The following DDX46 variants were observed in gnomAD, a reference collection of about 807,000 sequenced individuals.
The protein encoded by DDX46 is DEAD-box helicase 46.
DDX46 carries 30 observed loss-of-function variants against 134.9 expected under a neutral mutation model. The observed-to-expected ratio is 0.22, with a 90% CI of 0.17 to 0.30. The LOEUF is 0.30. DDX46 is among the 10% of genes least tolerant of loss of function. DDX46 has a pLI of 1.00. For missense variants in DDX46, 622 were observed against 1,248.7 expected (o/e 0.50, Z 7.56); for synonymous variants, 415 against 404.1 (o/e 1.03, Z -0.32).
chr5:134,808,539 C>T (rs948071314), intron 16 of DDX46, among the ~76,000 whole-genome samples: 4 of 152,092 alleles, frequency 2.6e-5, no homozygotes, highest in Admixed American at 6.6e-5. Context: ...TAAATTGAAT[C>T]ATTGTAAGTC....
intron 21 of DDX46, among the ~76,000 whole-genome samples, chr5:134,825,380 T>C (rs1407717043): frequency 6.6e-6 from 1 of 152,208 alleles, no homozygotes; most frequent in Non-Finnish European, 1.5e-5. Context: ...AAATTAGATA[T>C]GTTGCTATGA....
intron 18 of DDX46, among the ~76,000 whole-genome samples, chr5:134,814,279 T>C (rs1413333781): frequency 6.6e-6 from 1 of 152,190 alleles, no homozygotes; most frequent in Non-Finnish European, 1.5e-5. Context: ...AGGCATTCAC[T>C]GGGGTTCTTG....
intron 18 of DDX46, among the ~76,000 whole-genome samples, chr5:134,815,229 TA>T (rs1306485895): frequency 6.6e-6 from 1 of 152,204 alleles, no homozygotes; most frequent in Non-Finnish European, 1.5e-5. Flanking sequence ...GGACTGTTTT[TA>T]TTGTAGTAAA....
chr5:134,814,356 A>G (rs1755229551), intron 18 of DDX46, among the ~76,000 whole-genome samples: 1 of 152,184 alleles, frequency 6.6e-6, no homozygotes, highest in African/African-American at 2.4e-5. Flanking sequence ...CTTGTGATAA[A>G]ATACGGTGAT....
intron 15 of DDX46, chr5:134,797,041 T>G: frequency 4.8e-6 from 1 of 207,098 alleles, no homozygotes; most frequent in East Asian, 1.5e-4. Flanking sequence ...TCCCAGCTAC[T>G]TGGGAGGCCG....
intron 15 of DDX46, among the ~76,000 whole-genome samples, chr5:134,800,043 G>A (rs1414080704): frequency 6.6e-6 from 1 of 151,248 alleles, no homozygotes; most frequent in African/African-American, 2.4e-5. Context: ...CACCTCCCAG[G>A]TTCAAGTGAT....
intron 6 of DDX46, 94 bp from the exon 7 acceptor site, chr5:134,781,039 A>G: frequency 3.4e-6 from 3 of 880,562 alleles, no homozygotes; most frequent in Non-Finnish European, 5.0e-6. Flanking sequence ...AAAAAAAACT[A>G]AAGATGAAAT....
intron 11 of DDX46, 98 bp downstream of exon 11, chr5:134,785,684 G>T: frequency 7.3e-7 from 1 of 1,370,222 alleles, no homozygotes; most frequent in African/African-American, 1.5e-5. Context: ...TTTGAATAGT[G>T]ATTGCTTCTA....
In DDX46 at chr5:134,807,740, AC is replaced by A; in HGVS notation, c.1955-7del. The A allele has an allele frequency of 6.2e-7, 1 of 1,602,130 alleles. No homozygotes were observed. Among genetic ancestry groups the A allele is most frequent in the Non-Finnish European group, 8.5e-7 (1 of 1,172,868 alleles). On this transcript the variant is annotated splice_region_variant and splice_polypyrimidine_tract_variant and intron_variant, in intron 15 of 22. Transcript: ENST00000452510. ...AACATGTTTTAAAGCTCTCTAATTT[AC>A]TTGCAGGCATTGATCAATATGACAG...
At chr5:134,761,559 C>G (rs1246220851) in intron 1 of DDX46, among the ~76,000 whole-genome samples, 1 of 152,178 alleles carries the variant, frequency 6.6e-6, no homozygotes, top group Non-Finnish European at 1.5e-5. Context: ...ACACTAATAG[C>G]TGTCCAGTTT....
intron 13 of DDX46, among the ~76,000 whole-genome samples, chr5:134,791,681 C>T (rs1306064305): frequency 6.6e-6 from 1 of 152,094 alleles, no homozygotes; most frequent in African/African-American, 2.4e-5. Context: ...TGGAAATGTG[C>T]ATGGAAAAGG....
chr5:134,811,810 C>T lies in DDX46; in HGVS notation c.2401C>T (p.Leu801=), dbSNP rs192719313. The T allele has an allele frequency of 1.2e-6, 2 of 1,613,536 alleles. No individual in the cohort carries two copies. The highest frequency in any genetic ancestry group is 2.2e-5 in the East Asian group (1 of 44,846). ...RKKLQKAALG[L]QDSDDEDAAV... Reference sequence around the variant, plus strand: ...GAAGTTACAAAAAGCAGCTCTTGGTCTACAAGATTCAGATGATGAGGATGC... The same window carrying T: ...GAAGTTACAAAAAGCAGCTCTTGGTTTACAAGATTCAGATGATGAGGATGC... Residue 801 remains leucine, a synonymous_variant, in exon 18 of 23, where the codon CTA becomes TTA. Coordinates refer to ENST00000452510, the MANE Select transcript of DDX46 (RefSeq NM_001300860.2).
chr5:134,762,932 G>A (rs1025347021), intron 1 of DDX46, among the ~76,000 whole-genome samples: 3 of 151,894 alleles, frequency 2.0e-5, no homozygotes, highest in Non-Finnish European at 4.4e-5. Flanking sequence ...AATGGCGGAC[G>A]CCTATAGTCC....
At chr5:134,803,310 T>G (rs1302251439) in intron 15 of DDX46, among the ~76,000 whole-genome samples, 1 of 152,070 alleles carries the variant, frequency 6.6e-6, no homozygotes, top group East Asian at 1.9e-4. Flanking sequence ...TCTCTGAATT[T>G]TTTTTTTTCA....
chr5:134,817,430 G>T lies in DDX46; in HGVS notation c.2614-66G>T, dbSNP rs1167406090. 62 of 1,457,532 alleles carry T rather than the reference G, an allele frequency of 4.3e-5. No homozygotes were observed. The East Asian group carries it at 1.3e-3, about 31-fold the overall frequency. The allele number at this position is 1,457,532 out of a possible 1,614,324, so 90.3% of individuals were successfully genotyped here. ...TTAGTAGCTTTTCAGAGAATAATTT[G>T]TGGTGTGGTCCCTACTCTTGTCTCT... On this transcript the variant is annotated intron_variant, in intron 19 of 22. Coordinates refer to ENST00000452510, the MANE Select transcript of DDX46 (RefSeq NM_001300860.2).
In DDX46 at chr5:134,784,408, T is replaced by A. The variant is rs1288543317; in HGVS notation, c.1209T>A (p.Ile403=). 8 of 1,613,516 alleles carry A rather than the reference T, an allele frequency of 5.0e-6. No individual in the cohort carries two copies. Among genetic ancestry groups the A allele is most frequent in the Non-Finnish European group, 5.9e-6 (7 of 1,179,894 alleles). The change falls in exon 10 of 23, where the codon ATT becomes ATA. Residue 403 remains isoleucine (I), a synonymous_variant. Coordinates refer to ENST00000452510, the MANE Select transcript of DDX46 (RefSeq NM_001300860.2). ...CCACGCCCATCCAAACCCAAGCTAT[T>A]CCTGCTATAATGTCTGGACGAGATT... ...EKPTPIQTQA[I]PAIMSGRDLI... is the part of the protein sequence containing the mutation.
Position 134,816,073 on chromosome 5 carries a change from G to C in DDX46, c.2437-357G>C, listed in dbSNP as rs1238702227. 2.0e-5 allele frequency among the ~76,000 whole-genome samples: 3 copies of C among 152,256 alleles called. No homozygotes were observed. The East Asian group carries it at 5.8e-4, about 29-fold the overall frequency. ...TTTGGTCTCAAGGCCTGAGCCCTGG[G>C]GTAAGTCAGCTGCATCCTATTGGCT... On this transcript the variant is annotated intron_variant, in intron 18 of 22. Coordinates refer to ENST00000452510, the MANE Select transcript of DDX46 (RefSeq NM_001300860.2).
chr5:134,798,603 T>C (rs1027689028), intron 15 of DDX46, among the ~76,000 whole-genome samples: 1 of 152,272 alleles, frequency 6.6e-6, no homozygotes, highest in African/African-American at 2.4e-5. Flanking sequence ...TTAATCACCC[T>C]GAATAGAAAC....
At chr5:134,800,659 G>A (rs992608170) in intron 15 of DDX46, among the ~76,000 whole-genome samples, 9 of 151,868 alleles carry the variant, frequency 5.9e-5, no homozygotes, top group African/African-American at 1.5e-4. Context: ...GCAACCACTC[G>A]TGTGTGTTTT....
Sources: allele counts gnomAD v4.1 joint callset (sites outside exome capture counted in the v4.1 genomes callset), GRCh38; gene constraint gnomAD v4.1.1; transcripts MANE v1.5; gene names NCBI Gene and HGNC (gene_info 2026-07-23, HGNC 2026-07-21).